CDKL5: variants seen among roughly 807,000 people sequenced by gnomAD.
CDKL5 encodes cyclin dependent kinase like 5.
Under a neutral mutation model 61.7 loss-of-function variants are expected in CDKL5, and 8 were observed. That is an observed-to-expected ratio of 0.13 (90% CI 0.08 to 0.23). The LOEUF is 0.23. Among genes scored for constraint, CDKL5 ranks in the 10% least tolerant of loss-of-function variants. The probability of loss-of-function intolerance (pLI) is 1.00; values close to 1 mark genes in which losing one functional copy is unlikely to be tolerated. For synonymous variants in CDKL5, 275 were observed against 272.3 expected (o/e 1.01, Z -0.10); for missense variants, 440 against 734.5 (o/e 0.60, Z 4.63).
At chrX:18,575,303 A>C in intron 4 of CDKL5, 51 bp from the exon 5 acceptor site, 2 of 1,134,615 alleles carry the variant, frequency 1.8e-6, no homozygotes, top group Non-Finnish European at 2.4e-6. Context: ...TTCTTTGAAT[A>C]GTAGCTTGAA....
intron 3 of CDKL5, among the ~76,000 whole-genome samples, chrX:18,561,633 A>G (rs978566875): frequency 9.0e-6 from 1 of 111,006 alleles, no homozygotes; most frequent in Non-Finnish European, 1.9e-5. Flanking sequence ...TCAGTAGCCT[A>G]TACTAGACTA....
intron 1 of CDKL5, among the ~76,000 whole-genome samples, chrX:18,456,467 T>C (rs1345559554): frequency 2.7e-5 from 3 of 112,428 alleles, no homozygotes; most frequent in African/African-American, 9.7e-5. Flanking sequence ...TTATACTCAG[T>C]TGAGTATATT....
chrX:18,623,031 G>T (rs1236384229), intron 16 of CDKL5, among the ~76,000 whole-genome samples: 2 of 111,833 alleles, frequency 1.8e-5, no homozygotes, highest in Non-Finnish European at 3.8e-5. Flanking sequence ...ACAGGGAAAA[G>T]TGGTGACAAA....
chrX:18,585,844 T>G (rs2147146541), intron 8 of CDKL5, among the ~76,000 whole-genome samples: 1 of 112,034 alleles, frequency 8.9e-6, no homozygotes, highest in Admixed American at 9.5e-5. Flanking sequence ...TAGCATGCCA[T>G]ACGTGTATCT....
chrX:18,606,663 G>T (rs1926377026), intron 12 of CDKL5, among the ~76,000 whole-genome samples: 1 of 112,364 alleles, frequency 8.9e-6, no homozygotes, highest in Non-Finnish European at 1.9e-5. Flanking sequence ...GAAAGTGACA[G>T]TGACCTCAGG....
intron 3 of CDKL5, among the ~76,000 whole-genome samples, chrX:18,541,341 C>CT (rs1166693083): frequency 8.9e-6 from 1 of 111,818 alleles, no homozygotes; most frequent in African/African-American, 3.2e-5. Context: ...CCACATGTCT[C>CT]TGAGTCTCTG....
intron 3 of CDKL5, among the ~76,000 whole-genome samples, chrX:18,554,091 G>A (rs1470495535): frequency 4.7e-5 from 5 of 105,434 alleles, no homozygotes; most frequent in African/African-American, 1.7e-4. Flanking sequence ...ATACTTTTAA[G>A]TTCTAGGGTA....
chrX:18,571,933 C>T (rs1163711994), intron 4 of CDKL5, among the ~76,000 whole-genome samples: 1 of 111,455 alleles, frequency 9.0e-6, no homozygotes, highest in East Asian at 2.8e-4. Context: ...GTTGTTTGGG[C>T]ACTACATTCT....
At position 18,637,875 on chromosome X, in the gene CDKL5, A is replaced by C. The variant is rs1927440020; in HGVS notation, c.*9118A>C. 1 of 112,325 alleles carries C rather than the reference A, an allele frequency of 8.9e-6. No homozygotes were observed. The highest frequency in any genetic ancestry group is 1.9e-5 in the Non-Finnish European group (1 of 53,283). 9.3% of individuals were successfully genotyped at this position (112,325 alleles called of 1,213,427 possible). A position where few individuals can be genotyped will look rare whatever the true frequency, so the allele number is the denominator to read the frequency against. ...GGAAATTGAGAAGGAATGTCACTGA[A>C]TCTTTAATGCCAGTTACACAGAGCT... On this transcript the variant is annotated 3_prime_UTR_variant, in exon 18 of 18. Transcript: ENST00000623535.
At chrX:18,531,699 TC>T (rs1569203514) in intron 3 of CDKL5, among the ~76,000 whole-genome samples, 13 of 110,214 alleles carry the variant, frequency 1.2e-4, no homozygotes, top group African/African-American at 3.7e-4. Flanking sequence ...TTTCTTTTTT[TC>T]TTTTTTCTTT....
intron 1 of CDKL5, among the ~76,000 whole-genome samples, chrX:18,492,003 T>G (rs1177124750): frequency 9.0e-6 from 1 of 111,173 alleles, no homozygotes; most frequent in Non-Finnish European, 1.9e-5. Context: ...TATGTGTTTC[T>G]GGGGATAAAT....
intron 4 of CDKL5, among the ~76,000 whole-genome samples, chrX:18,570,717 A>G (rs946477862): frequency 9.0e-6 from 1 of 111,632 alleles, no homozygotes; most frequent in Admixed American, 9.5e-5. Context: ...TAGAGTTACA[A>G]TAGAGTTTCT....
At chrX:18,584,190 GC>G in intron 7 of CDKL5, 72 bp from the exon 8 acceptor site, 1 of 633,928 alleles carries the variant, frequency 1.6e-6, no homozygotes, top group Admixed American at 2.2e-5. Flanking sequence ...TATTACTAGC[GC>G]TGAAATATTT....
intron 14 of CDKL5, among the ~76,000 whole-genome samples, chrX:18,611,216 G>A (rs1231271331): frequency 9.0e-6 from 1 of 110,543 alleles, no homozygotes; most frequent in African/African-American, 3.3e-5. Flanking sequence ...GGATCACGAG[G>A]TCAGGAAATC....
chrX:18,439,029 A>C (rs1931673173), intron 1 of CDKL5, among the ~76,000 whole-genome samples: 1 of 91,409 alleles, frequency 1.1e-5, no homozygotes, highest in African/African-American at 4.0e-5. Flanking sequence ...TTCCCTTATC[A>C]AAGGTGCCCC....
At chrX:18,648,173 G>A (rs752393030) in intron 20 of CDKL5, among the ~76,000 whole-genome samples, 6 of 111,253 alleles carry the variant, frequency 5.4e-5, no homozygotes, top group Non-Finnish European at 1.1e-4. Context: ...GCAGTGGCAG[G>A]CACAGTGTCG....
chrX:18,438,044 G>A (rs1044194090), intron 1 of CDKL5, among the ~76,000 whole-genome samples: 3 of 111,667 alleles, frequency 2.7e-5, no homozygotes, highest in South Asian at 3.7e-4. Context: ...AATTGAGTTC[G>A]CTTTTGCCAT....
In CDKL5 at chrX:18,635,958, A is replaced by G. The variant is rs1389486000; in HGVS notation, c.*7201A>G. ...TCAGTAAGTGTGGCTGTGGTCCCGT[A>G]AAACTTTACTTATAGAAACAGGCCA... On this transcript the variant is annotated 3_prime_UTR_variant, in exon 18 of 18. Transcript: ENST00000623535. The G allele has an allele frequency of 8.9e-6, 1 of 112,047 alleles. No individual in the cohort carries two copies. Among genetic ancestry groups the G allele is most frequent in the Non-Finnish European group, 1.9e-5 (1 of 53,270 alleles). The allele number at this position is 112,047 out of a possible 1,213,427, so 9.2% of individuals were successfully genotyped here.
intron 1 of CDKL5, among the ~76,000 whole-genome samples, chrX:18,443,527 A>G (rs1432665081): frequency 1.8e-5 from 2 of 108,827 alleles, no homozygotes; most frequent in Non-Finnish European, 3.8e-5. Flanking sequence ...AGAGGGGGAT[A>G]GTTAATGTTA....
Sources: allele counts gnomAD v4.1 joint callset (sites outside exome capture counted in the v4.1 genomes callset), GRCh38; gene constraint gnomAD v4.1.1; transcripts MANE v1.5; gene names NCBI Gene and HGNC (gene_info 2026-07-23, HGNC 2026-07-21).